The following BRINP1 variants were observed in gnomAD, a reference collection of about 807,000 sequenced individuals.
The protein encoded by BRINP1 is BMP/retinoic acid inducible neural specific 1.
BRINP1 carries 17 observed loss-of-function variants against 72.9 expected under a neutral mutation model. The observed-to-expected ratio is 0.23, with a 90% CI of 0.16 to 0.35. The LOEUF is 0.35. Ranked by LOEUF, BRINP1 falls within the 10% of genes least tolerant of loss-of-function variation. BRINP1 has a pLI of 1.00. For missense variants in BRINP1, 850 were observed against 1,001.6 expected (o/e 0.85, Z 2.04); for synonymous variants, 418 against 378.5 (o/e 1.10, Z -1.21).
chr9:119,197,420 A>G (rs1459318164), intron 7 of BRINP1, among the ~76,000 whole-genome samples: 1 of 152,220 alleles, frequency 6.6e-6, no homozygotes, highest in African/African-American at 2.4e-5. Context: ...TACACACATT[A>G]ATATATGTAA....
intron 2 of BRINP1, among the ~76,000 whole-genome samples, chr9:119,305,463 A>G (rs1454995458): frequency 1.3e-5 from 2 of 152,186 alleles, no homozygotes; most frequent in Non-Finnish European, 2.9e-5. Flanking sequence ...CTTATGCCCT[A>G]CTATCAGTAC....
chr9:119,366,505 T>TGTGG (rs1292018792), intron 1 of BRINP1, among the ~76,000 whole-genome samples: 2 of 270 alleles, frequency 7.4e-3, no homozygotes, highest in Non-Finnish European at 0.01. Flanking sequence ...CCCACCACCG[T>TGTGG]GTGTGTGTGT....
chr9:119,288,557 T>C (rs1327718467), intron 2 of BRINP1, among the ~76,000 whole-genome samples: 2 of 152,166 alleles, frequency 1.3e-5, no homozygotes, highest in Non-Finnish European at 2.9e-5. Flanking sequence ...AGTCAATGAA[T>C]TGATAAACCA....
chr9:119,261,919 G>A (rs1049167826), intron 2 of BRINP1, among the ~76,000 whole-genome samples: 12 of 148,816 alleles, frequency 8.1e-5, no homozygotes, highest in African/African-American at 2.5e-4. Context: ...CCTCCCTCCT[G>A]CATGTATTTA....
At chr9:119,316,737 T>C (rs1831128979) in intron 1 of BRINP1, among the ~76,000 whole-genome samples, 1 of 152,198 alleles carries the variant, frequency 6.6e-6, no homozygotes, top group Non-Finnish European at 1.5e-5. Context: ...ACAATGCATC[T>C]AGTCACATAA....
Position 119,350,398 on chromosome 9 carries a change from G to A in BRINP1, c.-51+18658C>T, listed in dbSNP as rs368963185. ...CAATTACTGGAAAACACACAGCCAC[G>A]TCAGTAACACGGATGAATTTATACT... On this transcript the variant is annotated intron_variant, in intron 1 of 7. Transcript: ENST00000265922. 5.0e-4 allele frequency among the ~76,000 whole-genome samples: 76 copies of A among 152,200 alleles called. 1 individual carries two copies. The highest frequency in any genetic ancestry group is 8.2e-4 in the Non-Finnish European group (56 of 67,998).
intron 7 of BRINP1, among the ~76,000 whole-genome samples, chr9:119,191,051 T>A (rs538677885): frequency 2.6e-5 from 4 of 151,966 alleles, no homozygotes; most frequent in African/African-American, 9.7e-5. Context: ...ATCACCTCAA[T>A]TGATACAGAA....
Position 119,264,543 on chromosome 9 carries a change from T to C in BRINP1, c.219-15393A>G, listed in dbSNP as rs377031854. On this transcript the variant is annotated intron_variant, in intron 2 of 7. Transcript: ENST00000265922. ...GTTCAAATTCCCAGCTCCTTCCTCA[T>C]TGCCCTGTCCTCATCCCAGTCACTT... Among the ~76,000 whole-genome samples the C allele has an allele frequency of 1.8e-4, 27 of 152,358 alleles. No homozygotes were observed. In the South Asian group the frequency reaches 5.6e-3, roughly 32 times the overall value.
At chr9:119,313,918 C>T (rs1364635565) in intron 1 of BRINP1, among the ~76,000 whole-genome samples, 3 of 152,172 alleles carry the variant, frequency 2.0e-5, no homozygotes, top group Non-Finnish European at 4.4e-5. Flanking sequence ...ACAAGAGTTC[C>T]TTTTCCTTCT....
intron 1 of BRINP1, among the ~76,000 whole-genome samples, chr9:119,323,206 G>A (rs1222554299): frequency 2.6e-5 from 4 of 152,176 alleles, no homozygotes; most frequent in African/African-American, 9.7e-5. Flanking sequence ...CAAAGAGCAT[G>A]GCAAAGGTCT....
intron 1 of BRINP1, among the ~76,000 whole-genome samples, chr9:119,362,306 C>T (rs543340247): frequency 7.9e-5 from 12 of 152,126 alleles, no homozygotes; most frequent in South Asian, 6.2e-4. Flanking sequence ...TATAATATTC[C>T]GAATTAATGG....
At chr9:119,339,867 C>T (rs1290564924) in intron 1 of BRINP1, among the ~76,000 whole-genome samples, 1 of 152,152 alleles carries the variant, frequency 6.6e-6, no homozygotes, top group African/African-American at 2.4e-5. Context: ...GCCCCAAAAT[C>T]CTGGGTGGGT....
Position 119,238,725 on chromosome 9 carries a change from G to C in BRINP1, c.615C>G (p.Asn205Lys). The C allele has an allele frequency of 6.2e-7, 1 of 1,611,762 alleles. No individual in the cohort carries two copies. The highest frequency in any genetic ancestry group is 8.5e-7 in the Non-Finnish European group (1 of 1,179,334). ...TETRTGPLGC[N>K]SYDNLDSVSS... is the part of the protein sequence containing the mutation. ...TCACAGAGTCCAGATTGTCATAGCT[G>C]TTACAGCCCAGAGGCCCAGTGCGTG... The change falls in exon 5 of 8, where the codon AAC becomes AAG. Residue 205 changes from asparagine to lysine, a missense_variant. By Grantham distance (94) the Asn-to-Lys change is moderately conservative (BLOSUM62 0). Transcript: ENST00000265922.
chr9:119,178,470 G>A (rs1413307450), intron 7 of BRINP1, among the ~76,000 whole-genome samples: 1 of 152,154 alleles, frequency 6.6e-6, no homozygotes, highest in Non-Finnish European at 1.5e-5. Flanking sequence ...CAATAATGAG[G>A]AAAAACCCTC....
chr9:119,246,496 T>A (rs1228717620), intron 3 of BRINP1, among the ~76,000 whole-genome samples: 1 of 152,258 alleles, frequency 6.6e-6, no homozygotes, highest in Non-Finnish European at 1.5e-5. Context: ...TCCTTGCTCC[T>A]CAGCTTGCAG....
At chr9:119,175,556 A>G (rs747688650) in intron 7 of BRINP1, among the ~76,000 whole-genome samples, 20 of 152,150 alleles carry the variant, frequency 1.3e-4, no homozygotes, top group Non-Finnish European at 2.6e-4. Flanking sequence ...GCATTTTTCC[A>G]GAGCTCCAAA....
chr9:119,249,750 C>T, intron 2 of BRINP1, among the ~76,000 whole-genome samples: 1 of 150,168 alleles, frequency 6.7e-6, no homozygotes, highest in Non-Finnish European at 1.5e-5. Flanking sequence ...GTATATAGCT[C>T]AGTGCCTGTT....
At chr9:119,297,971 A>G (rs1830897904) in intron 2 of BRINP1, among the ~76,000 whole-genome samples, 1 of 152,230 alleles carries the variant, frequency 6.6e-6, no homozygotes, top group East Asian at 1.9e-4. Context: ...TTCGTAAATC[A>G]AAAGAATATT....
chr9:119,357,931 G>A (rs1049963700), intron 1 of BRINP1, among the ~76,000 whole-genome samples: 1 of 152,148 alleles, frequency 6.6e-6, no homozygotes, highest in Non-Finnish European at 1.5e-5. Context: ...TAAAGGAATG[G>A]CAATTCAAGG....
Sources: gnomAD v4.1 joint callset for allele counts (sites outside exome capture counted in the v4.1 genomes callset) on GRCh38, gnomAD v4.1.1 for gene constraint, MANE v1.5 for transcripts, NCBI Gene and HGNC (gene_info 2026-07-23, HGNC 2026-07-21) for gene names.